PGM1: variants seen among roughly 807,000 people sequenced by gnomAD.
The protein encoded by PGM1 is phosphoglucomutase-1.
Under a neutral mutation model 55.6 loss-of-function variants are expected in PGM1, and 52 were observed. The observed-to-expected ratio is 0.94, with a 90% CI of 0.75 to 1.18. The LOEUF (loss-of-function observed/expected upper bound fraction) is 1.18. PGM1 is among the 50% of genes most tolerant of loss of function. PGM1 has a pLI of 0.00. For missense variants in PGM1, 724 were observed against 729.3 expected (o/e 0.99, Z 0.08); for synonymous variants, 287 against 271.7 (o/e 1.06, Z -0.55).
intron 1 of PGM1, among the ~76,000 whole-genome samples, chr1:63,620,301 G>A (rs573963106): frequency 7.2e-5 from 11 of 152,236 alleles, no homozygotes; most frequent in African/African-American, 2.4e-4. Flanking sequence ...ATGAATAACC[G>A]TTTTCCACTC....
chr1:63,650,885 G>A (rs182291414), intron 8 of PGM1, among the ~76,000 whole-genome samples: 2 of 152,052 alleles, frequency 1.3e-5, no homozygotes, highest in East Asian at 3.9e-4. Flanking sequence ...CTGAAAGGAG[G>A]GAGGCAGAAC....
At chr1:63,611,371 C>T (rs1648560164) in intron 1 of PGM1, among the ~76,000 whole-genome samples, 1 of 152,110 alleles carries the variant, frequency 6.6e-6, no homozygotes, top group South Asian at 2.1e-4. Context: ...AAAAGCACAG[C>T]CTTAGACTGT....
chr1:63,600,679 G>A (rs2301061), intron 1 of PGM1, among the ~76,000 whole-genome samples: 20,355 of 152,238 alleles, frequency 0.13, 1,519 homozygotes, highest in Middle Eastern at 0.25. Context: ...GCAGAGACCT[G>A]AATGAAGTGA....
chr1:63,653,095 G>A (rs1283814464), intron 9 of PGM1, among the ~76,000 whole-genome samples: 1 of 152,184 alleles, frequency 6.6e-6, no homozygotes, highest in Non-Finnish European at 1.5e-5. Context: ...GGGAGAAGAG[G>A]TGTAAAGGTG....
At chr1:63,608,954 G>C (rs1373841573) in intron 1 of PGM1, among the ~76,000 whole-genome samples, 1 of 152,188 alleles carries the variant, frequency 6.6e-6, no homozygotes, top group Non-Finnish European at 1.5e-5. Flanking sequence ...CATTGTAACT[G>C]GTTAGTAAAG....
intron 1 of PGM1, among the ~76,000 whole-genome samples, chr1:63,602,410 G>A (rs1648269360): frequency 6.6e-6 from 1 of 152,150 alleles, no homozygotes. Context: ...GTGAAATTTT[G>A]TTTTAATATC....
intron 1 of PGM1, chr1:63,623,155 A>G: frequency 9.1e-7 from 1 of 1,095,936 alleles, no homozygotes; most frequent in Non-Finnish European, 1.1e-6. Flanking sequence ...CTAACGGGGA[A>G]ATGAGACAAA....
intron 7 of PGM1, 101 bp from the exon 8 acceptor site, chr1:63,648,416 A>T: frequency 1.5e-6 from 2 of 1,303,230 alleles, no homozygotes; most frequent in Non-Finnish European, 2.2e-6. Flanking sequence ...CTCCCTCAAC[A>T]TGAGATTTGG....
intron 1 of PGM1, chr1:63,623,111 G>A: frequency 1.6e-6 from 1 of 614,146 alleles, no homozygotes; most frequent in Non-Finnish European, 2.1e-6. Flanking sequence ...GCTGAAGTTG[G>A]CTGCATGCAG....
intron 1 of PGM1, among the ~76,000 whole-genome samples, chr1:63,605,608 C>G (rs1570473768): frequency 6.6e-6 from 1 of 152,060 alleles, no homozygotes; most frequent in Non-Finnish European, 1.5e-5. Context: ...GACAGGGTCT[C>G]ACTCTGCCAT....
In PGM1 at chr1:63,647,256, TTACATATATATATATA is replaced by T. The variant is rs1372893824; in HGVS notation, c.1145-1258_1145-1243del. Among the ~76,000 whole-genome samples the T allele has an allele frequency of 0.019, 967 of 51,598 alleles. 63 individuals carry two copies. The Admixed American group carries it at 0.2, about 11-fold the overall frequency. 33.9% of individuals were successfully genotyped at this position (51,598 alleles called of 152,430 possible). A position where few individuals can be genotyped will look rare whatever the true frequency, so the allele number is the denominator to read the frequency against. ...AAACTCCGTCTCAAAAAATAAAATT[TTACATATATATATATA>T]TATATATATATATATATATATATAT... is the stretch of plus-strand genomic sequence containing the variant. On this transcript the variant is annotated intron_variant, in intron 7 of 10. Coordinates refer to ENST00000371084, the MANE Select transcript of PGM1 (RefSeq NM_002633.3).
At position 63,657,400 on chromosome 1, in the gene PGM1, T is replaced by C. The variant is rs905783996; in HGVS notation, c.1600-2186T>C. Among the ~76,000 whole-genome samples the C allele has an allele frequency of 3.3e-5, 5 of 152,316 alleles. 1 individual carries two copies. ...TAGTTGTTACCGGGGTTTAAGGAGA[T>C]AATAAATGTAAAATGTTTAAACACT... On this transcript the variant is annotated intron_variant, in intron 10 of 10. Coordinates refer to ENST00000371084, the MANE Select transcript of PGM1 (RefSeq NM_002633.3).
intron 9 of PGM1, among the ~76,000 whole-genome samples, chr1:63,653,962 T>A (rs1339628182): frequency 1.6e-4 from 25 of 152,220 alleles, no homozygotes. Flanking sequence ...CCTCTTGATC[T>A]GGGGGCTGAA....
intron 1 of PGM1, among the ~76,000 whole-genome samples, chr1:63,607,849 C>T (rs79091044): frequency 0.021 from 3,195 of 152,236 alleles, 119 homozygotes; most frequent in African/African-American, 0.072. Flanking sequence ...AAACCAGTCA[C>T]ATTATTTTAT....
chr1:63,618,261 A>G (rs539386906), intron 1 of PGM1, among the ~76,000 whole-genome samples: 98 of 152,358 alleles, frequency 6.4e-4, no homozygotes, highest in Non-Finnish European at 1.0e-3. Flanking sequence ...CATTCCCTCA[A>G]GTACTATAGT....
chr1:63,633,947 T>TATTTTA (rs1557433847), intron 4 of PGM1, among the ~76,000 whole-genome samples: 23 of 119,776 alleles, frequency 1.9e-4, no homozygotes, highest in Non-Finnish European at 3.3e-4. Flanking sequence ...TTTTTTTTTT[T>TATTTTA]TTTTTTTTTT....
At chr1:63,645,730 A>G (rs959312751) in intron 7 of PGM1, among the ~76,000 whole-genome samples, 1 of 152,232 alleles carries the variant, frequency 6.6e-6, no homozygotes, top group Non-Finnish European at 1.5e-5. Flanking sequence ...GTAGTATCCT[A>G]TTGAAGAGAA....
At chr1:63,599,712 C>T (rs1557701499) in intron 1 of PGM1, among the ~76,000 whole-genome samples, 1 of 152,106 alleles carries the variant, frequency 6.6e-6, no homozygotes, top group Non-Finnish European at 1.5e-5. Flanking sequence ...ATCACATTCA[C>T]CCTGTGAGGT....
intron 1 of PGM1, among the ~76,000 whole-genome samples, chr1:63,603,226 G>A (rs1648291901): frequency 6.6e-6 from 1 of 152,206 alleles, no homozygotes; most frequent in Admixed American, 6.5e-5. Flanking sequence ...AGGTGTCCCA[G>A]GTCACAAAGT....
Sources: gnomAD v4.1 joint callset for allele counts (sites outside exome capture counted in the v4.1 genomes callset) on GRCh38, gnomAD v4.1.1 for gene constraint, MANE v1.5 for transcripts, NCBI Gene and HGNC (gene_info 2026-07-23, HGNC 2026-07-21) for gene names.